PPP6R3: variants seen among roughly 807,000 people sequenced by gnomAD.
PPP6R3 encodes serine/threonine-protein phosphatase 6 regulatory subunit 3.
Under a neutral mutation model 110.7 loss-of-function variants are expected in PPP6R3, and 38 were observed. The ratio of observed to expected loss-of-function variants is 0.34; its 90% CI spans 0.26 to 0.45. The LOEUF is 0.45. PPP6R3 is among the 20% of genes least tolerant of loss of function. The pLI, the probability that PPP6R3 is intolerant of heterozygous loss-of-function variation, is 1.00. For synonymous variants in PPP6R3, 369 were observed against 373.5 expected, an observed-to-expected ratio of 0.99 and a Z score of 0.14; for missense variants, 870 against 1,062.4, an observed-to-expected ratio of 0.82 and a Z score of 2.52.
intron 17 of PPP6R3, among the ~76,000 whole-genome samples, chr11:68,591,280 G>A (rs905454204): frequency 2.6e-5 from 4 of 152,112 alleles, no homozygotes; most frequent in African/African-American, 4.8e-5. Flanking sequence ...ACCTGGGACC[G>A]CATCTCCAGG....
chr11:68,529,309 A>G (rs369954194), intron 2 of PPP6R3, among the ~76,000 whole-genome samples: 50 of 152,088 alleles, frequency 3.3e-4, no homozygotes, highest in African/African-American at 1.1e-3. Context: ...ACCTCTGCCA[A>G]CCGGGTTCAA....
chr11:68,485,290 T>TTTTC (rs1565338814), intron 1 of PPP6R3, among the ~76,000 whole-genome samples: 1 of 145,556 alleles, frequency 6.9e-6, no homozygotes. Context: ...TTTTTTTTTT[T>TTTTC]TTCAATTCCT....
At chr11:68,513,153 C>T (rs1388659728) in intron 1 of PPP6R3, among the ~76,000 whole-genome samples, 1 of 152,048 alleles carries the variant, frequency 6.6e-6, no homozygotes, top group Non-Finnish European at 1.5e-5. Context: ...GATTGAACCT[C>T]GTTACCGGCA....
chr11:68,465,339 C>G (rs898293927), intron 1 of PPP6R3, among the ~76,000 whole-genome samples: 1 of 152,178 alleles, frequency 6.6e-6, no homozygotes. Context: ...CTTCTGTGCC[C>G]TAGACTCTGA....
intron 1 of PPP6R3, among the ~76,000 whole-genome samples, chr11:68,494,602 G>C (rs2099005155): frequency 6.6e-6 from 1 of 152,002 alleles, no homozygotes; most frequent in East Asian, 1.9e-4. Flanking sequence ...TTAATAAAAA[G>C]CTAAATATTA....
chr11:68,532,937 G>A (rs1193129021), intron 2 of PPP6R3, among the ~76,000 whole-genome samples: 2 of 152,224 alleles, frequency 1.3e-5, no homozygotes, highest in African/African-American at 4.8e-5. Context: ...GAAGTCACCT[G>A]ACGAAGGATT....
In PPP6R3 at chr11:68,564,322, A is replaced by T. The variant is rs1221334671; in HGVS notation, c.865A>T (p.Ile289Phe). 1 of 1,612,240 alleles carries T rather than the reference A, an allele frequency of 6.2e-7. No individual in the cohort carries two copies. The highest frequency in any genetic ancestry group is 2.2e-5 in the East Asian group (1 of 44,854). ...RRPTFEGHIE[I>F]CPPGMSHSAC... ...TTCAAGATTTGAAGGCCATATAGAG[A>T]TCTGCCCACCAGGCATGAGCCATTC... Residue 289 changes from isoleucine to phenylalanine, a missense_variant, in exon 9 of 24, where the codon ATC becomes TTC. Transcript: ENST00000393800.
chr11:68,600,282 C>G, intron 19 of PPP6R3, 59 bp from the exon 20 acceptor site: 1 of 1,535,768 alleles, frequency 6.5e-7, no homozygotes, highest in Non-Finnish European at 9.0e-7. Flanking sequence ...TGATAAATAC[C>G]TTGTGGTACA....
intron 21 of PPP6R3, among the ~76,000 whole-genome samples, chr11:68,602,428 C>T (rs1163546656): frequency 6.6e-6 from 1 of 152,124 alleles, no homozygotes; most frequent in Non-Finnish European, 1.5e-5. Context: ...GTGGGTTTTC[C>T]TATTACTCTA....
At chr11:68,578,975 C>T (rs1179334597) in intron 14 of PPP6R3, among the ~76,000 whole-genome samples, 1 of 152,202 alleles carries the variant, frequency 6.6e-6, no homozygotes, top group Non-Finnish European at 1.5e-5. Flanking sequence ...TTTGTACTGA[C>T]TTTGAAAAAT....
rs1319826530 is a variant in PPP6R3, at chr11:68,587,975, C to T, written c.1681C>T (p.Gln561Ter). 2 of 1,613,998 alleles carry T rather than the reference C, an allele frequency of 1.2e-6. No individual in the cohort carries two copies. Among genetic ancestry groups the T allele is most frequent in the Non-Finnish European group, 1.7e-6 (2 of 1,180,028 alleles). Reference sequence around the variant, plus strand: ...ACAAATGACGTCCAATTTTATTGACCAGTTTGGCTTCAACGATGAGAAGTT... The same window carrying T: ...ACAAATGACGTCCAATTTTATTGACTAGTTTGGCTTCAACGATGAGAAGTT... The part of the protein sequence containing the change: ...MQQMTSNFID[Q>*]FGFNDEKFAD... Residue 561 changes from glutamine to a stop codon, truncating the protein, a stop_gained, in exon 16 of 24, where the codon CAG becomes TAG. Transcript: ENST00000393800. LOFTEE classifies it high-confidence loss of function.
intron 20 of PPP6R3, among the ~76,000 whole-genome samples, 163 bp downstream of exon 20, chr11:68,600,657 G>A (rs946573712): frequency 6.6e-5 from 10 of 152,232 alleles, no homozygotes; most frequent in African/African-American, 2.4e-4. Flanking sequence ...TGTGTTGTAA[G>A]AAGAACAATC....
chr11:68,542,403 T>TTG, intron 3 of PPP6R3, among the ~76,000 whole-genome samples: 1 of 122,168 alleles, frequency 8.2e-6, no homozygotes, highest in Non-Finnish European at 1.7e-5. Context: ...TTTTTTTTTT[T>TTG]TTTTTTTTAA....
At chr11:68,477,753 T>A (rs1382973546) in intron 1 of PPP6R3, among the ~76,000 whole-genome samples, 11 of 136,288 alleles carry the variant, frequency 8.1e-5, no homozygotes, top group African/African-American at 2.8e-4. Flanking sequence ...TATATATATA[T>A]ATATATATAT....
chr11:68,482,299 A>T (rs1009108929), intron 1 of PPP6R3, among the ~76,000 whole-genome samples: 1 of 151,386 alleles, frequency 6.6e-6, no homozygotes, highest in African/African-American at 2.4e-5. Context: ...CTGTAATCCC[A>T]GCTACTCAGG....
At chr11:68,486,051 G>C (rs941363880) in intron 1 of PPP6R3, among the ~76,000 whole-genome samples, 3 of 150,536 alleles carry the variant, frequency 2.0e-5, no homozygotes, top group Admixed American at 1.3e-4. Context: ...AATTTTTTGA[G>C]ACTCAAAAAG....
intron 22 of PPP6R3, among the ~76,000 whole-genome samples, chr11:68,608,506 T>C (rs910507915): frequency 6.6e-6 from 1 of 152,246 alleles, no homozygotes; most frequent in Non-Finnish European, 1.5e-5. Flanking sequence ...GTGGGCTTCT[T>C]TGTAGGTAGA....
chr11:68,548,038 C>G (rs756656328), intron 4 of PPP6R3, 29 bp from the exon 5 acceptor site: 49 of 1,597,164 alleles, frequency 3.1e-5, no homozygotes, highest in Non-Finnish European at 3.9e-5. Flanking sequence ...AGTTACATGT[C>G]TTTCAGTTTC....
intron 8 of PPP6R3, among the ~76,000 whole-genome samples, chr11:68,564,090 C>T (rs1180428172): frequency 6.6e-6 from 1 of 152,042 alleles, no homozygotes; most frequent in Non-Finnish European, 1.5e-5. Flanking sequence ...AATTTCTTAC[C>T]TGATACTGTA....
Sources: allele counts gnomAD v4.1 joint callset (sites outside exome capture counted in the v4.1 genomes callset), GRCh38; gene constraint gnomAD v4.1.1; transcripts MANE v1.5; gene names NCBI Gene and HGNC (gene_info 2026-07-23, HGNC 2026-07-21).